LOC128462377: variants seen among roughly 807,000 people sequenced by gnomAD.
the LOC128462377 span, among the ~76,000 whole-genome samples, chr16:89,342,137 T>C: frequency 6.6e-6 from 1 of 152,032 alleles, no homozygotes; most frequent in African/African-American, 2.4e-5. Context: ...GTCCCTTCTC[T>C]CAGGGCCCTT....
chr16:89,336,308 G>C, the LOC128462377 span, among the ~76,000 whole-genome samples: 2 of 152,214 alleles, frequency 1.3e-5, no homozygotes, highest in Non-Finnish European at 2.9e-5. Context: ...ATGCACACAC[G>C]CCAGGGCACG....
the LOC128462377 span, among the ~76,000 whole-genome samples, chr16:89,382,168 T>C: frequency 6.6e-6 from 1 of 151,824 alleles, no homozygotes; most frequent in African/African-American, 2.4e-5. Context: ...CCCACCCATC[T>C]CCTCTTTCCC....
chr16:89,382,357 G>A, the LOC128462377 span, among the ~76,000 whole-genome samples: 6 of 151,784 alleles, frequency 4.0e-5, no homozygotes, highest in African/African-American at 9.7e-5. Context: ...ACAGAGTCTC[G>A]TTCTGTCACC....
At chr16:89,360,882 C>G in the LOC128462377 span, 1 of 152,266 alleles carries the variant, frequency 6.6e-6, no homozygotes, top group Non-Finnish European at 1.5e-5. Context: ...TGGTTAAGAC[C>G]TGCAAACCTC....
chr16:89,325,509 G>A, the LOC128462377 span, among the ~76,000 whole-genome samples: 13 of 151,524 alleles, frequency 8.6e-5, no homozygotes, highest in Non-Finnish European at 1.5e-5. Flanking sequence ...TAATAATGTT[G>A]GGGACAAAAT....
At chr16:89,407,487 G>A in the LOC128462377 span, among the ~76,000 whole-genome samples, 5 of 152,152 alleles carry the variant, frequency 3.3e-5, no homozygotes, top group African/African-American at 7.2e-5. Flanking sequence ...CGTTCGCCTC[G>A]TCAGGGCTGT....
At chr16:89,358,079 A>T in the LOC128462377 span, among the ~76,000 whole-genome samples, 2 of 152,240 alleles carry the variant, frequency 1.3e-5, no homozygotes, top group African/African-American at 4.8e-5. Context: ...GAGGCACCAG[A>T]TGCAACTTTT....
At chr16:89,388,601 G>A in the LOC128462377 span, among the ~76,000 whole-genome samples, 1 of 152,152 alleles carries the variant, frequency 6.6e-6, no homozygotes, top group South Asian at 2.1e-4. Context: ...AGGATCACTG[G>A]AAAATATTTG....
the LOC128462377 span, among the ~76,000 whole-genome samples, chr16:89,325,684 T>C: frequency 6.6e-6 from 1 of 152,276 alleles, no homozygotes; most frequent in African/African-American, 2.4e-5. Context: ...GGCGTTTGCT[T>C]TGTGGTCTGC....
the LOC128462377 span, among the ~76,000 whole-genome samples, chr16:89,332,332 G>A: frequency 6.6e-6 from 1 of 152,152 alleles, no homozygotes; most frequent in African/African-American, 2.4e-5. Flanking sequence ...GAAGTCCTGG[G>A]ATGGCCCAAG....
At chr16:89,368,402 T>TA in the LOC128462377 span, among the ~76,000 whole-genome samples, 1 of 94,764 alleles carries the variant, frequency 1.1e-5, no homozygotes, top group African/African-American at 4.0e-5. Context: ...TTTTTTTTTT[T>TA]AGTAGAGATG....
At chr16:89,397,744 C>T in the LOC128462377 span, among the ~76,000 whole-genome samples, 1 of 152,230 alleles carries the variant, frequency 6.6e-6, no homozygotes, top group African/African-American at 2.4e-5. Context: ...GCAGAAGCCT[C>T]TCCTCTGAGC....
chr16:89,378,860 G>A, the LOC128462377 span, among the ~76,000 whole-genome samples: 2 of 152,154 alleles, frequency 1.3e-5, no homozygotes, highest in Non-Finnish European at 2.9e-5. Flanking sequence ...AGGGGTTGAT[G>A]GGTGGGGCGA....
chr16:89,359,464 C>T, the LOC128462377 span, among the ~76,000 whole-genome samples: 3 of 152,192 alleles, frequency 2.0e-5, no homozygotes, highest in African/African-American at 4.8e-5. Flanking sequence ...TCTGCTGCAG[C>T]CCCTCGGCCC....
the LOC128462377 span, among the ~76,000 whole-genome samples, chr16:89,383,081 T>G: frequency 6.6e-6 from 1 of 152,218 alleles, no homozygotes; most frequent in African/African-American, 2.4e-5. Context: ...GGATTCAACT[T>G]TCACACCACT....
At chr16:89,397,025 T>C in the LOC128462377 span, among the ~76,000 whole-genome samples, 1 of 147,556 alleles carries the variant, frequency 6.8e-6, no homozygotes, top group Non-Finnish European at 1.5e-5. Flanking sequence ...AATACAGGAT[T>C]TTTTTTTTTT....
chr16:89,344,905 T>C, the LOC128462377 span, among the ~76,000 whole-genome samples: 1 of 152,324 alleles, frequency 6.6e-6, no homozygotes, highest in Admixed American at 6.5e-5. Flanking sequence ...CTTAGTTTCA[T>C]TACCAGGCTC....
At chr16:89,336,650 C>G in the LOC128462377 span, among the ~76,000 whole-genome samples, 1 of 152,166 alleles carries the variant, frequency 6.6e-6, no homozygotes, top group Non-Finnish European at 1.5e-5. Context: ...CACCACACCC[C>G]CCGGGTGGGC....
At chr16:89,341,475 C>A in the LOC128462377 span, among the ~76,000 whole-genome samples, 1 of 152,206 alleles carries the variant, frequency 6.6e-6, no homozygotes, top group East Asian at 1.9e-4. Context: ...CCTGTGTGGG[C>A]TGCTGGGCTC....
Sources: allele counts gnomAD v4.1 joint callset (sites outside exome capture counted in the v4.1 genomes callset), GRCh38; gene constraint gnomAD v4.1.1; transcripts MANE v1.5.